The following DDX31 variants were observed in gnomAD, a reference collection of about 807,000 sequenced individuals.
The protein encoded by DDX31 is DEAD-box helicase 31, also known as ATP-dependent DNA helicase DDX31.
Under a neutral mutation model 91.3 loss-of-function variants are expected in DDX31, and 70 were observed. The ratio of observed to expected loss-of-function variants is 0.77; its 90% CI spans 0.63 to 0.94. The LOEUF (loss-of-function observed/expected upper bound fraction) is 0.94. Ranked by LOEUF, DDX31 falls within the 40% of genes least tolerant of loss-of-function variation. DDX31 has a pLI of 0.00. For missense variants in DDX31, 902 were observed against 925.0 expected (o/e 0.98, Z 0.32); for synonymous variants, 362 against 350.6 (o/e 1.03, Z -0.36).
rs557197582 is a variant in DDX31 at position 132,621,217 on chromosome 9, T to C, written c.1714-2776A>G. 1.7e-4 allele frequency among the ~76,000 whole-genome samples: 26 copies of C among 152,298 alleles called. No individual in the cohort carries two copies. In the East Asian group the frequency reaches 3.5e-3, roughly 20 times the overall value. ...GGACTATTTTTATTATAAAAAGTAA[T>C]AGCAAAGGTGGGAGGTTTTTGTGAA... On this transcript the variant is annotated intron_variant, in intron 17 of 19. Coordinates refer to ENST00000372159, the MANE Select transcript of DDX31 (RefSeq NM_022779.9).
rs1217914855 is a variant in DDX31 at position 132,593,761 on chromosome 9, C to G, written c.*1105G>C. 1 of 119,908 alleles carries G rather than the reference C, an allele frequency of 8.3e-6. No homozygotes were observed. The highest frequency in any genetic ancestry group is 1.8e-5 in the Non-Finnish European group (1 of 56,776). The allele number at this position is 119,908 out of a possible 1,614,324, so 7.4% of individuals were successfully genotyped here. On this transcript the variant is annotated 3_prime_UTR_variant, in exon 20 of 20. Transcript: ENST00000372159. ...GTGGCCACTCAGACCTTCCAAGGAT[C>G]TGGGGGGATCTACTGAAGTGGTGCC...
chr9:132,646,103 A>G, intron 12 of DDX31, 32 bp from the exon 13 acceptor site: 9 of 1,600,150 alleles, frequency 5.6e-6, no homozygotes, highest in Non-Finnish European at 7.7e-6. Context: ...AAAAACCGAC[A>G]TATTTTAAGA....
At position 132,594,768 on chromosome 9, in the gene DDX31, G is replaced by A; in HGVS notation, c.*98C>T. On this transcript the variant is annotated 3_prime_UTR_variant, in exon 20 of 20. Coordinates refer to ENST00000372159, the MANE Select transcript of DDX31 (RefSeq NM_022779.9). ...CTTGGGGACGTGGTATTCAGGCAAA[G>A]GCGCAGTTATTTTTCACAAGCCTCC... 7 of 1,532,832 alleles carry A rather than the reference G, an allele frequency of 4.6e-6. No homozygotes were observed. Among genetic ancestry groups the A allele is most frequent in the East Asian group, 2.3e-5 (1 of 44,228 alleles). 95.0% of individuals were successfully genotyped at this position (1,532,832 alleles called of 1,614,324 possible). A position where few individuals can be genotyped will look rare whatever the true frequency, so the allele number is the denominator to read the frequency against.
chr9:132,635,011 T>A (rs1833020332), intron 14 of DDX31, among the ~76,000 whole-genome samples: 1 of 152,212 alleles, frequency 6.6e-6, no homozygotes. Context: ...ATGTCTGTCA[T>A]TTTTTAAGAA....
chr9:132,642,224 T>C (rs1227990372), intron 13 of DDX31, among the ~76,000 whole-genome samples, 161 bp from the exon 14 acceptor site: 2 of 152,152 alleles, frequency 1.3e-5, no homozygotes, highest in Non-Finnish European at 2.9e-5. Flanking sequence ...TTACATCTTC[T>C]AAGATGACCC....
At chr9:132,616,637 G>A (rs1200858430) in intron 18 of DDX31, among the ~76,000 whole-genome samples, 3 of 152,142 alleles carry the variant, frequency 2.0e-5, no homozygotes, top group African/African-American at 4.8e-5. Context: ...TTTCATCAAA[G>A]GTCCAAACTG....
Position 132,616,341 on chromosome 9 carries a change from A to G in DDX31, c.1825+1989T>C, listed in dbSNP as rs1421005928. Among the ~76,000 whole-genome samples, 3 of 152,334 alleles carry G rather than the reference A, an allele frequency of 2.0e-5. No homozygotes were observed. The East Asian group carries it at 5.8e-4, about 29-fold the overall frequency. Reference sequence around the variant, plus strand: ...TCCAATATTCCTTAAACAAAAGACAAGTGACCCTGCTTGTTTCATGGTATT... The same window carrying G: ...TCCAATATTCCTTAAACAAAAGACAGGTGACCCTGCTTGTTTCATGGTATT... On this transcript the variant is annotated intron_variant, in intron 18 of 19. Coordinates refer to ENST00000372159, the MANE Select transcript of DDX31 (RefSeq NM_022779.9).
chr9:132,647,911 A>AACC, intron 11 of DDX31, among the ~76,000 whole-genome samples: 1 of 152,260 alleles, frequency 6.6e-6, no homozygotes, highest in Admixed American at 6.5e-5. Context: ...AACCTCATGA[A>AACC]ACCACCAAGC....
chr9:132,666,153 G>A lies in DDX31; in HGVS notation c.76-3458C>T, dbSNP rs530723474. Among the ~76,000 whole-genome samples, 8 of 152,220 alleles carry A rather than the reference G, an allele frequency of 5.3e-5. No homozygotes were observed. In the South Asian group the frequency reaches 6.2e-4, roughly 12 times the overall value. Reference sequence around the variant, plus strand: ...CAACCACACAACCAATTGTTCCAGTGCCACTTATTAAAAATGTCAGCTTTT... The same window carrying A: ...CAACCACACAACCAATTGTTCCAGTACCACTTATTAAAAATGTCAGCTTTT... On this transcript the variant is annotated intron_variant, in intron 1 of 19. Transcript: ENST00000372159.
At chr9:132,624,142 G>A (rs1007425703) in intron 17 of DDX31, among the ~76,000 whole-genome samples, 5 of 135,764 alleles carry the variant, frequency 3.7e-5, no homozygotes, top group Admixed American at 1.6e-4. Flanking sequence ...ACTCCAGCAT[G>A]GGCGACAGAG....
At position 132,594,819 on chromosome 9, in the gene DDX31, A is replaced by G; in HGVS notation, c.*47T>C. Reference sequence around the variant, plus strand: ...TCTGACAAGAACTGGACATCAATCCACTGCCACCCGGGGCTTCCAGGTTCC... The same window carrying G: ...TCTGACAAGAACTGGACATCAATCCGCTGCCACCCGGGGCTTCCAGGTTCC... On this transcript the variant is annotated 3_prime_UTR_variant, in exon 20 of 20. Coordinates refer to ENST00000372159, the MANE Select transcript of DDX31 (RefSeq NM_022779.9). The G allele has an allele frequency of 6.2e-7, 1 of 1,600,572 alleles. No homozygotes were observed. The highest frequency in any genetic ancestry group is 8.5e-7 in the Non-Finnish European group (1 of 1,172,762).
At chr9:132,638,367 T>G (rs780850797) in intron 14 of DDX31, 6 of 1,614,204 alleles carry the variant, frequency 3.7e-6, no homozygotes, top group Non-Finnish European at 5.1e-6. Flanking sequence ...TTCTTCACTG[T>G]AAGTAGGAGG....
At chr9:132,668,904 C>T (rs1438987650) in intron 1 of DDX31, among the ~76,000 whole-genome samples, 1 of 152,190 alleles carries the variant, frequency 6.6e-6, no homozygotes, top group Non-Finnish European at 1.5e-5. Flanking sequence ...AGGCATGAGA[C>T]ATCAAATACA....
intron 4 of DDX31, 121 bp downstream of exon 4, chr9:132,661,087 C>A: frequency 2.4e-6 from 2 of 827,716 alleles, no homozygotes; most frequent in Admixed American, 2.2e-5. Context: ...CCTTTATGGT[C>A]GATAACCTGG....
intron 11 of DDX31, among the ~76,000 whole-genome samples, chr9:132,647,334 A>G (rs1008147068): frequency 2.0e-5 from 3 of 151,984 alleles, no homozygotes; most frequent in African/African-American, 7.3e-5. Context: ...CCACCTCCCA[A>G]AAGGGTTCTT....
intron 14 of DDX31, among the ~76,000 whole-genome samples, chr9:132,633,216 A>G (rs1832903812): frequency 1.3e-5 from 2 of 152,162 alleles, no homozygotes; most frequent in Non-Finnish European, 2.9e-5. Flanking sequence ...AGGCCATATT[A>G]TATTATACCG....
chr9:132,658,162 G>T, intron 6 of DDX31: 1 of 621,704 alleles, frequency 1.6e-6, no homozygotes, highest in Admixed American at 2.6e-5. Flanking sequence ...AGACACAGAT[G>T]CATGGCCCCT....
chr9:132,669,446 TC>T (rs2130881620), intron 1 of DDX31: 2 of 539,042 alleles, frequency 3.7e-6, no homozygotes, highest in East Asian at 1.3e-4. Flanking sequence ...GCATGACTCT[TC>T]CCAGACAGGA....
intron 3 of DDX31, 135 bp from the exon 4 acceptor site, chr9:132,661,386 C>G: frequency 1.3e-6 from 1 of 778,090 alleles, no homozygotes; most frequent in Non-Finnish European, 2.0e-6. Context: ...CCAGGTGGTG[C>G]TCTCTACTTG....
Sources: gnomAD v4.1 joint callset for allele counts (sites outside exome capture counted in the v4.1 genomes callset) on GRCh38, gnomAD v4.1.1 for gene constraint, MANE v1.5 for transcripts, NCBI Gene and HGNC (gene_info 2026-07-23, HGNC 2026-07-21) for gene names.